CCSER1: variants seen among roughly 807,000 people sequenced by gnomAD.
CCSER1 encodes the protein coiled-coil serine rich protein 1.
In CCSER1, 41 loss-of-function variants were observed where a neutral mutation model predicts 82.0. The observed-to-expected ratio is 0.50, with a 90% CI of 0.39 to 0.65. The LOEUF (loss-of-function observed/expected upper bound fraction) is 0.65. Among genes scored for constraint, CCSER1 ranks in the 30% least tolerant of loss-of-function variants. CCSER1 has a pLI of 0.00. For synonymous variants in CCSER1, 414 were observed against 383.9 expected, an observed-to-expected ratio of 1.08 and a Z score of -0.92; for missense variants, 1,119 against 1,064.2, an observed-to-expected ratio of 1.05 and a Z score of -0.72.
At chr4:90,474,009 C>T (rs368149743) in intron 5 of CCSER1, among the ~76,000 whole-genome samples, 6 of 152,032 alleles carry the variant, frequency 3.9e-5, no homozygotes, top group East Asian at 1.9e-4. Flanking sequence ...GGCGTGGTGG[C>T]GCACGCCTAT....
intron 3 of CCSER1, among the ~76,000 whole-genome samples, chr4:90,343,244 A>G (rs1741743446): frequency 6.6e-6 from 1 of 152,166 alleles, no homozygotes. Flanking sequence ...AGTCTTATTT[A>G]TACAGCTTCT....
chr4:90,728,599 C>A (rs1744122069), intron 7 of CCSER1, among the ~76,000 whole-genome samples: 1 of 152,068 alleles, frequency 6.6e-6, no homozygotes, highest in Admixed American at 6.6e-5. Context: ...CTTTGGGAAG[C>A]TGAGGCAGGA....
At chr4:90,395,551 C>G (rs1471470667) in intron 3 of CCSER1, among the ~76,000 whole-genome samples, 1 of 151,912 alleles carries the variant, frequency 6.6e-6, no homozygotes, top group Non-Finnish European at 1.5e-5. Context: ...ACTGTTTGGT[C>G]TAGTGATTGG....
intron 10 of CCSER1, among the ~76,000 whole-genome samples, chr4:91,358,341 T>TTTG (rs1748997769): frequency 6.6e-6 from 1 of 151,702 alleles, no homozygotes; most frequent in Middle Eastern, 3.4e-3. Context: ...GAATTTTTTT[T>TTTG]TTTTTAACAT....
chr4:90,134,478 A>G (rs1045112845), intron 1 of CCSER1, among the ~76,000 whole-genome samples: 9 of 152,202 alleles, frequency 5.9e-5, no homozygotes, highest in African/African-American at 1.2e-4. Flanking sequence ...GTGCCATTCA[A>G]CCACACTTCT....
intron 10 of CCSER1, among the ~76,000 whole-genome samples, chr4:91,514,377 G>A (rs564049011): frequency 1.3e-5 from 2 of 152,244 alleles, no homozygotes; most frequent in Admixed American, 1.3e-4. Flanking sequence ...GGTTATGTAT[G>A]TGGTTGATGT....
At chr4:90,374,430 A>G (rs1467444973) in intron 3 of CCSER1, among the ~76,000 whole-genome samples, 4 of 152,156 alleles carry the variant, frequency 2.6e-5, no homozygotes, top group Admixed American at 2.0e-4. Context: ...TTCCTTGACA[A>G]TCAATTCAAC....
intron 10 of CCSER1, among the ~76,000 whole-genome samples, chr4:91,423,765 G>A (rs1309396566): frequency 1.3e-5 from 2 of 151,984 alleles, no homozygotes; most frequent in Non-Finnish European, 2.9e-5. Context: ...CTTCAAAGAA[G>A]TTCTAAGAAA....
At chr4:91,051,360 A>G (rs1742990575) in intron 9 of CCSER1, among the ~76,000 whole-genome samples, 1 of 152,214 alleles carries the variant, frequency 6.6e-6, no homozygotes, top group South Asian at 2.1e-4. Flanking sequence ...TAAATTTAAC[A>G]GAATAATTTT....
intron 10 of CCSER1, among the ~76,000 whole-genome samples, chr4:91,287,677 A>G (rs1743388874): frequency 6.6e-6 from 1 of 151,976 alleles, no homozygotes; most frequent in South Asian, 2.1e-4. Context: ...AAGTGCACAT[A>G]TGTATTTAGG....
intron 10 of CCSER1, among the ~76,000 whole-genome samples, chr4:91,108,391 A>G (rs891587677): frequency 6.6e-6 from 1 of 152,200 alleles, no homozygotes; most frequent in East Asian, 1.9e-4. Context: ...GAGAGAAAAT[A>G]TATGGCTTAT....
intron 6 of CCSER1, among the ~76,000 whole-genome samples, chr4:90,716,466 A>T: frequency 6.6e-6 from 1 of 152,152 alleles, no homozygotes; most frequent in East Asian, 1.9e-4. Context: ...ATAAAGTGGT[A>T]TCATGGCTGT....
chr4:91,597,657 A>C lies in CCSER1; in HGVS notation c.2218-915A>C, dbSNP rs77478215. The stretch of plus-strand genomic sequence containing the variant: ...ATCAAACAAAAAGTGATGATGGCTA[A>C]ATAAGCAAATGAGCCTGCAGCTATC... On this transcript the variant is annotated intron_variant, in intron 10 of 10. Coordinates refer to ENST00000509176, the MANE Select transcript of CCSER1 (RefSeq NM_001145065.2). Among the ~76,000 whole-genome samples, 607 of 152,292 alleles carry C rather than the reference A, an allele frequency of 4.0e-3. 12 individuals carry two copies. In the East Asian group the frequency reaches 0.059, roughly 15 times the overall value.
intron 10 of CCSER1, among the ~76,000 whole-genome samples, chr4:91,498,052 T>C (rs1043774976): frequency 1.3e-5 from 2 of 151,956 alleles, no homozygotes. Flanking sequence ...GAAGCACAGC[T>C]TCGCTGTGCA....
chr4:90,803,242 TG>T (rs925844176), intron 7 of CCSER1, among the ~76,000 whole-genome samples: 1 of 152,196 alleles, frequency 6.6e-6, no homozygotes, highest in African/African-American at 2.4e-5. Flanking sequence ...CTTTAAGTTC[TG>T]GGGTACATGT....
chr4:90,782,838 C>T (rs1306861982), intron 7 of CCSER1, among the ~76,000 whole-genome samples: 3 of 151,586 alleles, frequency 2.0e-5, no homozygotes, highest in Admixed American at 6.6e-5. Flanking sequence ...CCAGCCATCA[C>T]GCCTGGCTAA....
intron 6 of CCSER1, among the ~76,000 whole-genome samples, chr4:90,704,768 G>A (rs773382092): frequency 5.9e-5 from 9 of 151,980 alleles, no homozygotes; most frequent in Non-Finnish European, 8.8e-5. Context: ...GATTGAATTC[G>A]CTACTGAAGC....
Position 91,315,123 on chromosome 4 carries a change from C to T in CCSER1, c.2217+229129C>T, listed in dbSNP as rs529927976. ...ACCCACTTCAGCCAATAGATGAGGG[C>T]TACTTCTAGATAGAACCGTGTGTGC... On this transcript the variant is annotated intron_variant, in intron 10 of 10. Transcript: ENST00000509176. Among the ~76,000 whole-genome samples the T allele has an allele frequency of 2.7e-5, 4 of 149,420 alleles. No homozygotes were observed. In the East Asian group the frequency reaches 8.1e-4, roughly 30 times the overall value.
chr4:90,172,971 T>C (rs1474127728), intron 1 of CCSER1, among the ~76,000 whole-genome samples: 1 of 151,790 alleles, frequency 6.6e-6, no homozygotes, highest in African/African-American at 2.4e-5. Context: ...TTTTAGATTC[T>C]GGTGATTGGG....
Sources: gnomAD v4.1 joint callset for allele counts (sites outside exome capture counted in the v4.1 genomes callset) on GRCh38, gnomAD v4.1.1 for gene constraint, MANE v1.5 for transcripts, NCBI Gene and HGNC (gene_info 2026-07-23, HGNC 2026-07-21) for gene names.